The following GATA4 variants were observed in gnomAD, a reference collection of about 807,000 sequenced individuals.
GATA4 encodes GATA binding protein 4.
GATA4 carries 7 observed loss-of-function variants against 37.9 expected under a neutral mutation model. That is an observed-to-expected ratio of 0.18 (90% CI 0.11 to 0.35). The LOEUF is 0.35. Ranked by LOEUF, GATA4 falls within the 10% of genes least tolerant of loss-of-function variation. GATA4 has a pLI of 1.00. For synonymous variants in GATA4, 372 were observed against 292.6 expected (o/e 1.27, Z -2.77); for missense variants, 647 against 653.0 (o/e 0.99, Z 0.10).
At chr8:11,737,813 A>C (rs769786566) in intron 2 of GATA4, among the ~76,000 whole-genome samples, 3 of 152,228 alleles carry the variant, frequency 2.0e-5, no homozygotes, top group Non-Finnish European at 4.4e-5. Context: ...GCCCAGCTTT[A>C]AATTAAAAAT....
intron 2 of GATA4, among the ~76,000 whole-genome samples, chr8:11,727,870 T>C (rs1309419698): frequency 6.6e-6 from 1 of 152,038 alleles, no homozygotes; most frequent in Non-Finnish European, 1.5e-5. Flanking sequence ...CCGTATAATG[T>C]CACCCAGTTT....
At chr8:11,729,555 C>CA (rs58397100) in intron 2 of GATA4, among the ~76,000 whole-genome samples, 29,447 of 139,664 alleles carry the variant, frequency 0.21, 4,940 homozygotes, top group East Asian at 0.69. Flanking sequence ...GACTGTGTCT[C>CA]AAAAAAAAAA....
chr8:11,750,796 A>AT (rs59612779), intron 4 of GATA4, among the ~76,000 whole-genome samples: 1 of 114,766 alleles, frequency 8.7e-6, no homozygotes, highest in African/African-American at 2.8e-5. Flanking sequence ...AAAAAAAAAA[A>AT]TCTAGCTGGG....
At chr8:11,693,509 T>G (rs1453733276) in intron 1 of GATA4, among the ~76,000 whole-genome samples, 8 of 120,256 alleles carry the variant, frequency 6.7e-5, no homozygotes, top group Admixed American at 8.7e-5. Flanking sequence ...AAAAAGAGGA[T>G]TGATTCAGCA....
chr8:11,718,584 A>T (rs976363394), intron 2 of GATA4, among the ~76,000 whole-genome samples: 1 of 152,228 alleles, frequency 6.6e-6, no homozygotes, highest in Admixed American at 6.5e-5. Context: ...GGAATTTTGA[A>T]TTTTGGAGTT....
intron 1 of GATA4, chr8:11,680,650 G>T (rs1798934831): frequency 1.4e-5 from 14 of 985,374 alleles, no homozygotes; most frequent in Non-Finnish European, 1.7e-5. Context: ...TGCTGGGAAC[G>T]TGTCTCGGGT....
At chr8:11,727,833 A>T (rs1801010221) in intron 2 of GATA4, among the ~76,000 whole-genome samples, 1 of 152,084 alleles carries the variant, frequency 6.6e-6, no homozygotes, top group Non-Finnish European at 1.5e-5. Context: ...TCTCAAAAAA[A>T]AAAAGTAAAA....
intron 1 of GATA4, chr8:11,697,761 C>T: frequency 1.0e-6 from 1 of 985,446 alleles, no homozygotes; most frequent in South Asian, 4.7e-5. Context: ...GCGGCGCCTG[C>T]CTGGGCGTCT....
intron 1 of GATA4, chr8:11,694,614 C>G: frequency 1.6e-6 from 1 of 644,106 alleles, no homozygotes; most frequent in Non-Finnish European, 1.9e-6. Context: ...AGAGGAAACA[C>G]AATATTTTGT....
intron 2 of GATA4, among the ~76,000 whole-genome samples, chr8:11,722,536 G>A (rs989408027): frequency 6.6e-6 from 1 of 152,174 alleles, no homozygotes; most frequent in Non-Finnish European, 1.5e-5. Context: ...CCTGTGTTAT[G>A]CCTGTTAAGT....
intron 2 of GATA4, among the ~76,000 whole-genome samples, chr8:11,726,405 G>C (rs960576076): frequency 6.6e-6 from 1 of 152,184 alleles, no homozygotes; most frequent in South Asian, 2.1e-4. Context: ...CTAACATTAT[G>C]TTCTCAAAGG....
intron 1 of GATA4, among the ~76,000 whole-genome samples, chr8:11,678,923 T>C (rs565095027): frequency 1.3e-5 from 2 of 152,308 alleles, no homozygotes; most frequent in South Asian, 2.1e-4. Flanking sequence ...AGGAAGTGTT[T>C]ATAAATTACT....
chr8:11,750,108 C>T lies in GATA4; in HGVS notation c.787-3C>T, dbSNP rs758327243. 2.3e-5 allele frequency: 37 copies of T among 1,613,994 alleles called. No individual in the cohort carries two copies. The highest frequency in any genetic ancestry group is 3.3e-4 in the Middle Eastern group (2 of 6,080). ...CATGAAGCATTTGTTTCCTGTCTTG[C>T]AGTCCGCCTCCCGCCGAGTGGGCCT... On this transcript the variant is annotated splice_region_variant and splice_polypyrimidine_tract_variant and intron_variant, in intron 3 of 6. Coordinates refer to ENST00000532059, the MANE Select transcript of GATA4 (RefSeq NM_001308093.3).
intron 1 of GATA4, among the ~76,000 whole-genome samples, chr8:11,705,008 G>A (rs112884349): frequency 6.6e-6 from 1 of 152,250 alleles, no homozygotes; most frequent in South Asian, 2.1e-4. Context: ...CCACGGGGCT[G>A]CCCGGATCCG....
chr8:11,758,419 G>T lies in GATA4; in HGVS notation c.1276G>T (p.Asp426Tyr), dbSNP rs56208331. ...GTCTCCACAGACCAGCTCCAAGCAG[G>T]ACTCTTGGAACAGCCTGGTCTTGGC... Reference protein sequence around the residue: ...SQSPQTSSKQDSWNSLVLADS... With the variant: ...SQSPQTSSKQYSWNSLVLADS... Residue 426 changes from aspartate (D) to tyrosine (Y), a missense_variant, in exon 7 of 7, where the codon GAC becomes TAC. Asp to Tyr is a radical substitution (Grantham distance 160, BLOSUM62 -3). Around this residue, in one of 5 missense-constraint regions of GATA4, gnomAD observed 184 missense variants for 157.1 expected, o/e 1.17. Coordinates refer to ENST00000532059, the MANE Select transcript of GATA4 (RefSeq NM_001308093.3). 1 of 1,614,082 alleles carries T rather than the reference G, an allele frequency of 6.2e-7. No homozygotes were observed. Among genetic ancestry groups the T allele is most frequent in the African/African-American group, 1.3e-5 (1 of 74,930 alleles).
intron 1 of GATA4, chr8:11,681,124 A>G (rs894075856): frequency 1.0e-6 from 1 of 984,826 alleles, no homozygotes; most frequent in African/African-American, 1.7e-5. Context: ...CGTGGTCCGG[A>G]AAACCGAGCC....
chr8:11,756,846 C>G, intron 5 of GATA4, 89 bp from the exon 6 acceptor site: 4 of 1,563,602 alleles, frequency 2.6e-6, no homozygotes, highest in South Asian at 1.1e-5. Flanking sequence ...AAGCCATTAG[C>G]TTGCACCCAT....
At chr8:11,703,278 T>C (rs372004083), upstream of GATA4, among the ~76,000 whole-genome samples, 44 of 152,082 alleles carry the variant, frequency 2.9e-4, no homozygotes, top group East Asian at 3.3e-3. Context: ...TACGCGGTAA[T>C]AGGGCCCTGT....
At chr8:11,682,172 T>A (rs746841808) in intron 1 of GATA4, among the ~76,000 whole-genome samples, 9 of 152,242 alleles carry the variant, frequency 5.9e-5, no homozygotes, top group Non-Finnish European at 1.3e-4. Context: ...TCTGACAAGA[T>A]TGATTCACTC....
Sources: gnomAD v4.1 joint callset for allele counts (sites outside exome capture counted in the v4.1 genomes callset) on GRCh38, gnomAD v4.1.1 for gene constraint, gnomAD v4.1.1 regional missense constraint, MANE v1.5 for transcripts, NCBI Gene and HGNC (gene_info 2026-07-23, HGNC 2026-07-21) for gene names.